LUC7L: variants seen among roughly 807,000 people sequenced by gnomAD.
LUC7L encodes putative RNA-binding protein Luc7-like 1.
LUC7L carries 29 observed loss-of-function variants against 51.1 expected under a neutral mutation model. The ratio of observed to expected loss-of-function variants is 0.57; its 90% confidence interval spans 0.42 to 0.77. The LOEUF (loss-of-function observed/expected upper bound fraction) is 0.77, where lower values mean the gene tolerates loss of function less well. Among genes scored for constraint, LUC7L ranks in the 30% least tolerant of loss-of-function variants. The pLI is 0.00. For synonymous variants in LUC7L, 181 were observed against 180.7 expected, an observed-to-expected ratio of 1.00 and a Z score of -0.01; for missense variants, 403 against 511.9, an observed-to-expected ratio of 0.79 and a Z score of 2.05.
At position 190,010 on chromosome 16, in the gene LUC7L, C is replaced by T. The variant is rs2048967830; in HGVS notation, c.932G>A (p.Arg311Gln). Residue 311 changes from arginine to glutamine, a missense_variant, in exon 9 of 10, where the codon CGG becomes CAG. By Grantham distance (43) the Arg-to-Gln change is conservative. This residue lies in a region of LUC7L where 206 missense variants were observed against 218.3 expected (regional missense o/e 0.94). Transcript: ENST00000293872. Reference protein sequence around the residue: ...RHRSRSRSHSRGHRRASRDRS... With the variant: ...RHRSRSRSHSQGHRRASRDRS... ...GTCCCGGGAAGCCCGACGATGTCCCCGGCTGTGGCTCCGGGAACGGCTGCG... is the reference window on the plus strand; with the variant it reads ...GTCCCGGGAAGCCCGACGATGTCCCTGGCTGTGGCTCCGGGAACGGCTGCG... 10 of 1,613,982 alleles carry T rather than the reference C, an allele frequency of 6.2e-6. No homozygotes were observed. The highest frequency in any genetic ancestry group is 1.1e-5 in the South Asian group (1 of 91,058).
At chr16:228,124 G>A in intron 1 of LUC7L, 1 of 1,143,006 alleles carries the variant, frequency 8.7e-7, no homozygotes. Flanking sequence ...AAAGTGGTAT[G>A]TGACAAATTT....
chr16:196,406 T>TCAAACAAA (rs551017983), intron 6 of LUC7L, among the ~76,000 whole-genome samples: 1 of 149,864 alleles, frequency 6.7e-6, no homozygotes, highest in African/African-American at 2.5e-5. Context: ...AGACCCTGCC[T>TCAAACAAA]CAAACAAACA....
chr16:191,837 C>T (rs980084730), intron 7 of LUC7L, among the ~76,000 whole-genome samples: 2 of 152,190 alleles, frequency 1.3e-5, no homozygotes, highest in African/African-American at 2.4e-5. Context: ...GAGCGAGACC[C>T]TGTCTCAAAA....
intron 3 of LUC7L, among the ~76,000 whole-genome samples, chr16:218,737 G>C (rs529933324): frequency 5.3e-5 from 8 of 151,208 alleles, no homozygotes; most frequent in African/African-American, 1.7e-4. Context: ...ACAGAAAAAA[G>C]AATCTTAAAA....
chr16:205,764 G>T (rs919000469), intron 5 of LUC7L, among the ~76,000 whole-genome samples: 11 of 152,236 alleles, frequency 7.2e-5, no homozygotes, highest in African/African-American at 2.6e-4. Flanking sequence ...TAATTTTTTT[G>T]TATTTTTAGT....
rs373775079 is a variant in LUC7L, at chr16:205,995, C to A, written c.510+9G>T. 6.2e-7 allele frequency: 1 copy of A among 1,607,866 alleles called. No homozygotes were observed. The highest frequency in any genetic ancestry group is 8.5e-7 in the Non-Finnish European group (1 of 1,178,662). On this transcript the variant is annotated intron_variant, in intron 5 of 9. Transcript: ENST00000293872. ...ATTTCTCTTGCCCTAAGGCACTTATCTCACCAACCTCAGCTTCTTTTTTCT... is the reference window on the plus strand; with the variant it reads ...ATTTCTCTTGCCCTAAGGCACTTATATCACCAACCTCAGCTTCTTTTTTCT...
In LUC7L at chr16:206,111, T is replaced by G. The variant is rs1402887355; in HGVS notation, c.403A>C (p.Lys135Gln). ...KVHELNEEIG[K>Q]LLAKAEQLGA... ...AGCTGTTCGGCTTTAGCAAGGAGTT[T>G]TCCTATTTCTTCATTTAACTCATGT... is the stretch of plus-strand genomic sequence containing the variant. Residue 135 changes from lysine (K) to glutamine (Q), a missense_variant, in exon 5 of 10, where the codon AAA (lysine) becomes CAA (glutamine). Physicochemically the swap from Lys to Gln is moderately conservative, Grantham distance 53 (BLOSUM62 1). Around this residue, in one of 3 missense-constraint regions of LUC7L, gnomAD observed 182 missense variants for 248.4 expected, o/e 0.73. Coordinates refer to ENST00000293872, the MANE Select transcript of LUC7L (RefSeq NM_201412.3). 6 of 1,613,718 alleles carry G rather than the reference T, an allele frequency of 3.7e-6. No individual in the cohort carries two copies. The highest frequency in any genetic ancestry group is 5.1e-6 in the Non-Finnish European group (6 of 1,179,950).
At chr16:220,574 T>C (rs966437957) in intron 3 of LUC7L, 75 bp downstream of exon 3, 2 of 1,088,178 alleles carry the variant, frequency 1.8e-6, no homozygotes, top group African/African-American at 1.6e-5. Flanking sequence ...ATAACTTACG[T>C]ATGTTACATT....
chr16:225,424 T>C (rs1596689827), intron 2 of LUC7L, among the ~76,000 whole-genome samples: 1 of 148,882 alleles, frequency 6.7e-6, no homozygotes, highest in Non-Finnish European at 1.5e-5. Context: ...AGGCAGAGGT[T>C]GCGGTGAGCC....
At position 192,907 on chromosome 16, in the gene LUC7L, G is replaced by C; in HGVS notation, c.776+20C>G. Reference sequence around the variant, plus strand: ...GCCCGAGGCCAATGCAGGCCATCCAGTGCCAGCCCTCAGGCTCACCTCCTG... The same window carrying C: ...GCCCGAGGCCAATGCAGGCCATCCACTGCCAGCCCTCAGGCTCACCTCCTG... On this transcript the variant is annotated intron_variant, in intron 7 of 9. Coordinates refer to ENST00000293872, the MANE Select transcript of LUC7L (RefSeq NM_201412.3). The C allele has an allele frequency of 6.2e-7, 1 of 1,604,128 alleles. No individual in the cohort carries two copies. The highest frequency in any genetic ancestry group is 1.7e-5 in the Admixed American group (1 of 60,012).
chr16:211,345 C>A (rs918354913), intron 3 of LUC7L, among the ~76,000 whole-genome samples: 2 of 151,888 alleles, frequency 1.3e-5, no homozygotes, highest in African/African-American at 4.8e-5. Flanking sequence ...TGAATCCCAG[C>A]TACAAGGGAG....
chr16:229,074 G>A (rs1359504299), intron 1 of LUC7L: 5 of 1,416,712 alleles, frequency 3.5e-6, no homozygotes, highest in Non-Finnish European at 4.6e-6. Context: ...GACTCCGAGA[G>A]AGGAGCCCGA....
At chr16:189,875 C>A in intron 9 of LUC7L, 93 bp downstream of exon 9, 2 of 1,531,888 alleles carry the variant, frequency 1.3e-6, no homozygotes, top group East Asian at 2.3e-5. Context: ...GAGCCCAGCC[C>A]CATCCCCACC....
At chr16:218,816 A>G (rs1388152462) in intron 3 of LUC7L, among the ~76,000 whole-genome samples, 1 of 150,944 alleles carries the variant, frequency 6.6e-6, no homozygotes, top group Non-Finnish European at 1.5e-5. Context: ...CTGGCCAGGC[A>G]TAGTGGCTCA....
intron 3 of LUC7L, among the ~76,000 whole-genome samples, chr16:215,793 A>G (rs1235755882): frequency 6.6e-6 from 1 of 151,974 alleles, no homozygotes; most frequent in Non-Finnish European, 1.5e-5. Flanking sequence ...AGAGTGAGAC[A>G]CTGTCTCAAA....
rs574647177 is a variant in LUC7L at position 189,381 on chromosome 16, C to A, written c.975-42G>T. The A allele has an allele frequency of 2.0e-4, 309 of 1,576,102 alleles. 2 individuals carry two copies. In the South Asian group the frequency reaches 3.1e-3, roughly 16 times the overall value. On this transcript the variant is annotated intron_variant, in intron 9 of 9. Transcript: ENST00000293872. ...AGAGGCTCAGTGGAGGCTGCTGCCCCCCTTCTGCTGGCCGCTCAGGCACTG... is the reference window on the plus strand; with the variant it reads ...AGAGGCTCAGTGGAGGCTGCTGCCCACCTTCTGCTGGCCGCTCAGGCACTG...
Position 189,034 on chromosome 16 carries a change from CG to C in LUC7L, c.*163del. ...TTATTTATTCCTACTCAACATGACC[CG>C]GGAACACAGGAGCAACTCTGTACAC... is the stretch of plus-strand genomic sequence containing the variant. On this transcript the variant is annotated 3_prime_UTR_variant, in exon 10 of 10. Coordinates refer to ENST00000293872, the MANE Select transcript of LUC7L (RefSeq NM_201412.3). 1.3e-6 allele frequency: 1 copy of C among 755,768 alleles called. No individual in the cohort carries two copies. Among genetic ancestry groups the C allele is most frequent in the South Asian group, 2.0e-5 (1 of 49,450 alleles). The allele number at this position is 755,768 out of a possible 1,614,324, so 46.8% of individuals were successfully genotyped here.
intron 5 of LUC7L, among the ~76,000 whole-genome samples, chr16:204,589 A>C (rs1374478120): frequency 6.6e-6 from 1 of 150,928 alleles, no homozygotes; most frequent in African/African-American, 2.4e-5. Flanking sequence ...GCGAGACTCC[A>C]TCTCAAAAAA....
Position 198,945 on chromosome 16 carries a change from G to T in LUC7L, c.687+117C>A, listed in dbSNP as rs200867644. On this transcript the variant is annotated intron_variant, in intron 6 of 9. Transcript: ENST00000293872. ...TTCGCCCACCTCGGCCTCCCAAAGT[G>T]CTGGGATTATAGGCATCAGCCACCA... is the stretch of plus-strand genomic sequence containing the variant. 157 of 987,230 alleles carry T rather than the reference G, an allele frequency of 1.6e-4. 2 individuals carry two copies. The East Asian group carries it at 4.0e-3, about 25-fold the overall frequency. 61.2% of individuals were successfully genotyped at this position (987,230 alleles called of 1,614,324 possible).
Sources: allele counts gnomAD v4.1 joint callset (sites outside exome capture counted in the v4.1 genomes callset), GRCh38; gene constraint gnomAD v4.1.1; regional missense constraint gnomAD v4.1.1; transcripts MANE v1.5; gene names NCBI Gene and HGNC (gene_info 2026-07-23, HGNC 2026-07-21).